BMPR1A: variants seen among roughly 807,000 people sequenced by gnomAD.
BMPR1A encodes bone morphogenetic protein receptor type 1A.
A neutral mutation model predicts 66.0 loss-of-function variants in BMPR1A; 7 were observed. The observed-to-expected ratio is 0.11, with a 90% confidence interval of 0.06 to 0.20. The LOEUF is 0.20. Ranked by LOEUF, BMPR1A falls within the 10% of genes least tolerant of loss-of-function variation. BMPR1A has a pLI of 1.00. For synonymous variants in BMPR1A, 200 were observed against 229.7 expected (o/e 0.87, Z 1.17); for missense variants, 408 against 669.1 (o/e 0.61, Z 4.31).
chr10:86,898,016 C>T (rs1265859835), intron 5 of BMPR1A, among the ~76,000 whole-genome samples: 1 of 152,024 alleles, frequency 6.6e-6, no homozygotes, highest in Non-Finnish European at 1.5e-5. Context: ...TGTTTGATTC[C>T]AAAACCCTTG....
intron 1 of BMPR1A, among the ~76,000 whole-genome samples, chr10:86,809,650 G>A (rs1481141086): frequency 5.0e-5 from 6 of 118,878 alleles, no homozygotes; most frequent in Non-Finnish European, 8.3e-5. Context: ...GTCTTATTCT[G>A]TCGTCTAGGC....
chr10:86,821,707 T>G lies in BMPR1A; in HGVS notation c.-267-17158T>G, dbSNP rs80175470. On this transcript the variant is annotated intron_variant, in intron 1 of 12. Coordinates refer to ENST00000372037, the MANE Select transcript of BMPR1A (RefSeq NM_004329.3). ...ATATGATCATGTTGTTACCTCTCTC[T>G]TGCCAAAACGTTGACTTGATGATAA... Among the ~76,000 whole-genome samples the G allele has an allele frequency of 1.2e-3, 182 of 152,330 alleles. 1 individual carries two copies. The highest frequency in any genetic ancestry group is 4.2e-3 in the African/African-American group (176 of 41,568).
At chr10:86,868,394 G>A (rs1359595902) in intron 2 of BMPR1A, among the ~76,000 whole-genome samples, 1 of 152,212 alleles carries the variant, frequency 6.6e-6, no homozygotes, top group Non-Finnish European at 1.5e-5. Flanking sequence ...AAGGATTGAT[G>A]GGGAGGAGTG....
intron 1 of BMPR1A, among the ~76,000 whole-genome samples, chr10:86,791,269 G>A (rs999940414): frequency 4.0e-5 from 6 of 151,018 alleles, no homozygotes; most frequent in African/African-American, 1.2e-4. Flanking sequence ...CTGGAGTGCA[G>A]TGGTGCGATC....
In BMPR1A at chr10:86,923,984, G is replaced by T. The variant is rs1316625725; in HGVS notation, c.*265G>T. On this transcript the variant is annotated 3_prime_UTR_variant, in exon 13 of 13. Transcript: ENST00000372037. ...TTTTTTAAGTGGGTTTTTATGAACT[G>T]CATCAAGACTTCAATCCTGATTAGT... The T allele has an allele frequency of 8.3e-6, 4 of 483,724 alleles. No individual in the cohort carries two copies. The highest frequency in any genetic ancestry group is 1.9e-5 in the African/African-American group (1 of 51,918). 30.0% of individuals were successfully genotyped at this position (483,724 alleles called of 1,614,324 possible).
At chr10:86,888,703 C>T (rs1018484026) in intron 3 of BMPR1A, among the ~76,000 whole-genome samples, 1 of 151,294 alleles carries the variant, frequency 6.6e-6, no homozygotes, top group Admixed American at 6.6e-5. Flanking sequence ...GGCATGTGCC[C>T]TTGGTCCCAG....
chr10:86,837,247 C>CTGTGTGTGTGTGTGTGTCTGTG lies in BMPR1A; in HGVS notation c.-267-1601_-267-1600insCTGTGTGTGTGTGTGTGTGTGT, dbSNP rs1554883387. Among the ~76,000 whole-genome samples the CTGTGTGTGTGTGTGTGTCTGTG allele has an allele frequency of 4.3e-5, 6 of 138,216 alleles. No homozygotes were observed. In the South Asian group the frequency reaches 1.2e-3, roughly 28 times the overall value. 90.7% of individuals were successfully genotyped at this position (138,216 alleles called of 152,430 possible). On this transcript the variant is annotated intron_variant, in intron 1 of 12. Coordinates refer to ENST00000372037, the MANE Select transcript of BMPR1A (RefSeq NM_004329.3). ...AGAATCAGGCTGTGTGTGTGTGTGT[C>CTGTGTGTGTGTGTGTGTCTGTG]TGTGTGTGTGTGTGTGTGTGTGTGT...
intron 2 of BMPR1A, among the ~76,000 whole-genome samples, chr10:86,868,779 T>TG (rs1554886237): frequency 1.5e-4 from 12 of 78,352 alleles, no homozygotes; most frequent in Middle Eastern, 0.014. Context: ...TTTTCCTGTG[T>TG]TTTTTTTTTT....
chr10:86,928,089 C>A, downstream of BMPR1A: 1 of 166,850 alleles, frequency 6.0e-6, no homozygotes, highest in Non-Finnish European at 1.3e-5. Flanking sequence ...ATGTACACTT[C>A]AACTACCAGA....
Position 86,900,120 on chromosome 10 carries a change from G to C in BMPR1A, c.524G>C (p.Cys175Ser), listed in dbSNP as rs370091063. ...ATGATCATCTTCTCCAGCTGCTTTTGTTACAAGTAAGAAGATATTTATTTT... is the reference window on the plus strand; with the variant it reads ...ATGATCATCTTCTCCAGCTGCTTTTCTTACAAGTAAGAAGATATTTATTTT... Reference protein sequence around the residue: ...IAMIIFSSCFCYKHYCKSISS... With the variant: ...IAMIIFSSCFSYKHYCKSISS... The change falls in exon 7 of 13, where the codon TGT (cysteine) becomes TCT (serine). Residue 175 changes from cysteine (C) to serine (S), a missense_variant. By Grantham distance (112) the Cys-to-Ser change is moderately radical (BLOSUM62 -1). Transcript: ENST00000372037. 5.6e-6 allele frequency: 9 copies of C among 1,613,336 alleles called. No homozygotes were observed. Among genetic ancestry groups the C allele is most frequent in the Non-Finnish European group, 7.6e-6 (9 of 1,179,908 alleles).
At chr10:86,801,763 G>A (rs12257557) in intron 1 of BMPR1A, among the ~76,000 whole-genome samples, 3,432 of 152,012 alleles carry the variant, frequency 0.023, 137 homozygotes, top group African/African-American at 0.079. Context: ...TCCCAGGCTG[G>A]AGTGCAGTGG....
intron 1 of BMPR1A, among the ~76,000 whole-genome samples, chr10:86,815,188 C>G (rs2132964528): frequency 6.6e-6 from 1 of 152,272 alleles, no homozygotes; most frequent in East Asian, 1.9e-4. Context: ...GGAAGAAAGC[C>G]TAGTGACTCA....
chr10:86,795,087 G>A (rs1221532142), intron 1 of BMPR1A, among the ~76,000 whole-genome samples: 3 of 152,080 alleles, frequency 2.0e-5, no homozygotes, highest in South Asian at 2.1e-4. Flanking sequence ...CCGACCTCAG[G>A]TGATCTGCCT....
At position 86,906,723 on chromosome 10, in the gene BMPR1A, C is replaced by CAAAAAAAAA. The variant is rs929716555; in HGVS notation, c.531-5486_531-5478dup. ...TGGGCGACAGAGTGAGACTCCGTCT[C>CAAAAAAAAA]AAAAAAAAAAAAAAAAAAAAAAAAA... is the stretch of plus-strand genomic sequence containing the variant. On this transcript the variant is annotated intron_variant, in intron 7 of 12. Transcript: ENST00000372037. 5.3e-3 allele frequency among the ~76,000 whole-genome samples: 57 copies of CAAAAAAAAA among 10,690 alleles called. 16 individuals are homozygous for CAAAAAAAAA. The highest frequency in any genetic ancestry group is 0.011 in the Admixed American group (7 of 662). The allele number at this position is 10,690 out of a possible 152,430, so 7.0% of individuals were successfully genotyped here.
downstream of BMPR1A, chr10:86,932,289 C>G (rs1408344132): frequency 6.6e-6 from 1 of 152,144 alleles, no homozygotes; most frequent in Non-Finnish European, 1.5e-5. Flanking sequence ...TTATCAGAAC[C>G]AGGAAAGTTC....
chr10:86,918,711 C>T (rs1010022140), intron 9 of BMPR1A, among the ~76,000 whole-genome samples: 1 of 151,548 alleles, frequency 6.6e-6, no homozygotes, highest in Non-Finnish European at 1.5e-5. Flanking sequence ...GCAACCTCTG[C>T]CGCCAGGTTC....
In BMPR1A at chr10:86,812,869, T is replaced by C. The variant is rs1841989825; in HGVS notation, c.-267-25996T>C. On this transcript the variant is annotated intron_variant, in intron 1 of 12. Transcript: ENST00000372037. ...TCTTGGTGTTGTACATTATATGGGTTATATTATATATTAAATGCAGAGTGA... is the reference window on the plus strand; with the variant it reads ...TCTTGGTGTTGTACATTATATGGGTCATATTATATATTAAATGCAGAGTGA... 1.3e-5 allele frequency among the ~76,000 whole-genome samples: 2 copies of C among 152,310 alleles called. 1 individual carries two copies.
At chr10:86,767,572 G>A (rs1319796045) in intron 1 of BMPR1A, among the ~76,000 whole-genome samples, 2 of 152,126 alleles carry the variant, frequency 1.3e-5, no homozygotes, top group African/African-American at 2.4e-5. Flanking sequence ...CAGCAACTCA[G>A]GAAGCTGAGG....
chr10:86,862,275 A>C (rs1037578356), intron 2 of BMPR1A, among the ~76,000 whole-genome samples: 3 of 152,206 alleles, frequency 2.0e-5, no homozygotes, highest in African/African-American at 7.2e-5. Context: ...AGGGATTTTG[A>C]GTAAGTGCTT....
Sources: gnomAD v4.1 joint callset for allele counts (sites outside exome capture counted in the v4.1 genomes callset) on GRCh38, gnomAD v4.1.1 for gene constraint, MANE v1.5 for transcripts, NCBI Gene and HGNC (gene_info 2026-07-23, HGNC 2026-07-21) for gene names.